The following CNTNAP2 variants were observed in gnomAD, a reference collection of about 807,000 sequenced individuals.
CNTNAP2 encodes the protein contactin associated protein 2.
In CNTNAP2, 98 loss-of-function variants were observed where a neutral mutation model predicts 155.2. That is an observed-to-expected ratio of 0.63 (90% CI 0.54 to 0.75). The LOEUF (loss-of-function observed/expected upper bound fraction) is 0.75, where lower values mean the gene tolerates loss of function less well. Among genes scored for constraint, CNTNAP2 ranks in the 30% least tolerant of loss-of-function variants. The pLI, the probability that CNTNAP2 is intolerant of heterozygous loss-of-function variation, is 0.00. For synonymous variants in CNTNAP2, 651 were observed against 631.2 expected, an observed-to-expected ratio of 1.03 and a Z score of -0.47; for missense variants, 1,727 against 1,688.1, an observed-to-expected ratio of 1.02 and a Z score of -0.40.
At chr7:147,754,116 G>A (rs1234458557) in intron 13 of CNTNAP2, among the ~76,000 whole-genome samples, 1 of 152,104 alleles carries the variant, frequency 6.6e-6, no homozygotes, top group Non-Finnish European at 1.5e-5. Flanking sequence ...AGATTAAAGA[G>A]GCTCCTGCAG....
At chr7:148,005,832 T>C (rs995703596) in intron 15 of CNTNAP2, among the ~76,000 whole-genome samples, 6 of 152,212 alleles carry the variant, frequency 3.9e-5, no homozygotes, top group Non-Finnish European at 4.4e-5. Flanking sequence ...ATTATTGCTT[T>C]GTTACTGAAG....
intron 1 of CNTNAP2, among the ~76,000 whole-genome samples, chr7:146,698,324 T>C (rs1464020364): frequency 6.6e-6 from 1 of 152,152 alleles, no homozygotes; most frequent in African/African-American, 2.4e-5. Flanking sequence ...CTTTTAATAT[T>C]TTTTAAAAGG....
At chr7:146,643,386 A>G (rs1157134697) in intron 1 of CNTNAP2, among the ~76,000 whole-genome samples, 1 of 152,046 alleles carries the variant, frequency 6.6e-6, no homozygotes, top group Non-Finnish European at 1.5e-5. Context: ...ATGGCTAGCC[A>G]GTTTTCCCAG....
intron 8 of CNTNAP2, among the ~76,000 whole-genome samples, chr7:147,237,675 G>A (rs1803840713): frequency 6.6e-6 from 1 of 152,150 alleles, no homozygotes; most frequent in Non-Finnish European, 1.5e-5. Context: ...AAATTCTCAA[G>A]AATAATGGCT....
intron 9 of CNTNAP2, among the ~76,000 whole-genome samples, chr7:147,365,399 A>AAAAAAAAAAAAAAAAAAAAT (rs1796213199): frequency 6.8e-6 from 1 of 147,322 alleles, no homozygotes; most frequent in Non-Finnish European, 1.5e-5. Flanking sequence ...AAAAAAAAAA[A>AAAAAAAAAAAAAAAAAAAAT]AAAAAAAAAC....
At position 146,309,545 on chromosome 7, in the gene CNTNAP2, T is replaced by C. The variant is rs546342106; in HGVS notation, c.97+192572T>C. ...GGTGGGGCGCGGTGGCTCATGCATG[T>C]AATCCCAGCATTTTGGGAGGCTGAG... On this transcript the variant is annotated intron_variant, in intron 1 of 23. Transcript: ENST00000361727. 2.0e-5 allele frequency among the ~76,000 whole-genome samples: 3 copies of C among 152,240 alleles called. No individual in the cohort carries two copies. The South Asian group carries it at 6.2e-4, about 32-fold the overall frequency.
chr7:147,068,975 A>G (rs1799838692), intron 4 of CNTNAP2, among the ~76,000 whole-genome samples: 1 of 152,214 alleles, frequency 6.6e-6, no homozygotes, highest in South Asian at 2.1e-4. Context: ...TCTTCTGGTG[A>G]GACCTCAGAA....
rs553323660 is a variant in CNTNAP2 at position 147,343,005 on chromosome 7, A to C, written c.1498+42715A>C. 3.3e-5 allele frequency among the ~76,000 whole-genome samples: 5 copies of C among 152,206 alleles called. No individual in the cohort carries two copies. The East Asian group carries it at 9.6e-4, about 29-fold the overall frequency. ...TAATAATTTGCTTGTTTACCATTCTAATGTGTTAAAACCTTATACACCTTT... is the reference window on the plus strand; with the variant it reads ...TAATAATTTGCTTGTTTACCATTCTCATGTGTTAAAACCTTATACACCTTT... On this transcript the variant is annotated intron_variant, in intron 9 of 23. Transcript: ENST00000361727.
intron 4 of CNTNAP2, among the ~76,000 whole-genome samples, chr7:147,049,172 C>T (rs905875368): frequency 6.6e-6 from 1 of 152,192 alleles, no homozygotes; most frequent in Admixed American, 6.5e-5. Context: ...AACACTGTTG[C>T]ATTGGGGATT....
chr7:146,914,573 G>A (rs922911995), intron 3 of CNTNAP2, among the ~76,000 whole-genome samples: 2 of 151,820 alleles, frequency 1.3e-5, no homozygotes, highest in African/African-American at 4.8e-5. Flanking sequence ...TTTTTCATGT[G>A]TTTGTTAGCC....
At chr7:147,636,380 T>C (rs2116918667) in intron 12 of CNTNAP2, among the ~76,000 whole-genome samples, 1 of 152,326 alleles carries the variant, frequency 6.6e-6, no homozygotes, top group Non-Finnish European at 1.5e-5. Context: ...AAAATGACTT[T>C]AAACTGTTCC....
At chr7:147,435,908 T>C (rs1452309748) in intron 10 of CNTNAP2, among the ~76,000 whole-genome samples, 1 of 152,234 alleles carries the variant, frequency 6.6e-6, no homozygotes, top group Non-Finnish European at 1.5e-5. Flanking sequence ...GTAATAAAAC[T>C]TATCTCTCTT....
At chr7:146,754,412 AT>A (rs1456907606) in intron 1 of CNTNAP2, among the ~76,000 whole-genome samples, 1 of 151,978 alleles carries the variant, frequency 6.6e-6, no homozygotes, top group Non-Finnish European at 1.5e-5. Context: ...TTTTATTGTA[AT>A]TTTTGTTATC....
At chr7:147,302,548 G>A (rs892849522) in intron 9 of CNTNAP2, among the ~76,000 whole-genome samples, 1 of 152,226 alleles carries the variant, frequency 6.6e-6, no homozygotes, top group African/African-American at 2.4e-5. Flanking sequence ...TGAATCCTAA[G>A]TGTGTAAGAA....
At chr7:146,139,725 CA>C (rs1562965260) in intron 1 of CNTNAP2, among the ~76,000 whole-genome samples, 2 of 151,994 alleles carry the variant, frequency 1.3e-5, no homozygotes, top group African/African-American at 4.8e-5. Flanking sequence ...TTGTATAAGA[CA>C]GACCTAAATT....
Position 147,867,088 on chromosome 7 carries a change from G to A in CNTNAP2, c.2099-36477G>A, listed in dbSNP as rs573156147. Among the ~76,000 whole-genome samples the A allele has an allele frequency of 9.1e-4, 139 of 152,242 alleles. 2 individuals are homozygous for A. The highest frequency in any genetic ancestry group is 3.4e-3 in the Middle Eastern group (1 of 294). ...GCATGTTTTTGTAGTGGATGATACC[G>A]GTTGTTTCTTTCCATGTTTAGTGCT... On this transcript the variant is annotated intron_variant, in intron 13 of 23. Transcript: ENST00000361727.
intron 1 of CNTNAP2, among the ~76,000 whole-genome samples, chr7:146,363,126 T>G (rs1176285821): frequency 6.6e-6 from 1 of 152,170 alleles, no homozygotes; most frequent in African/African-American, 2.4e-5. Context: ...TACATAGCAC[T>G]TATAATAGGC....
rs1009239333 is a variant in CNTNAP2, at chr7:146,902,021, G to A, written c.402+62117G>A. On this transcript the variant is annotated intron_variant, in intron 3 of 23. Transcript: ENST00000361727. ...CTCCCGCATAGTTGGGACTACAGGC[G>A]CCTGCCACCTCGCCCGGCTAATTTT... Among the ~76,000 whole-genome samples the A allele has an allele frequency of 3.4e-4, 51 of 151,688 alleles. 1 individual carries two copies. Among genetic ancestry groups the A allele is most frequent in the Admixed American group, 3.3e-3 (51 of 15,228 alleles).
chr7:147,187,376 C>CCT (rs1251342253), intron 8 of CNTNAP2, among the ~76,000 whole-genome samples: 1 of 151,992 alleles, frequency 6.6e-6, no homozygotes, highest in Non-Finnish European at 1.5e-5. Context: ...TGCCCATCAA[C>CCT]GGTAGACTGG....
Sources: allele counts gnomAD v4.1 joint callset (sites outside exome capture counted in the v4.1 genomes callset), GRCh38; gene constraint gnomAD v4.1.1; transcripts MANE v1.5; gene names NCBI Gene and HGNC (gene_info 2026-07-23, HGNC 2026-07-21).